Variants in TBC1D7 observed in about 807,000 individuals in gnomAD.
TBC1D7 encodes TBC domain family 7.
TBC1D7 carries 33 observed loss-of-function variants against 35.3 expected under a neutral mutation model. The observed-to-expected ratio is 0.93, with a 90% CI of 0.71 to 1.25. TBC1D7 has a LOEUF of 1.25. TBC1D7 is among the 50% of genes most tolerant of loss of function. The pLI is 0.00. For missense variants in TBC1D7, 362 were observed against 365.3 expected, an observed-to-expected ratio of 0.99 and a Z score of 0.07; for synonymous variants, 135 against 129.5, an observed-to-expected ratio of 1.04 and a Z score of -0.29.
chr6:13,311,986 C>T (rs1783250266), intron 5 of TBC1D7, among the ~76,000 whole-genome samples: 1 of 151,720 alleles, frequency 6.6e-6, no homozygotes, highest in African/African-American at 2.4e-5. Context: ...TACACACACA[C>T]ATATATGGAA....
rs768742269 is a variant in TBC1D7 at position 13,316,643 on chromosome 6, G to T, written c.447C>A (p.Val149=). The part of the protein sequence containing the change: ...KAMEEMVEDS[V]DCYWITRRFV... ...AGCGTCGGGTGATCCAGTAACAGTC[G>T]ACACTATCTTCCACCATTTCCTCCA... Residue 149 remains valine, a synonymous_variant, in exon 5 of 8, where the codon GTC becomes GTA. Transcript: ENST00000379300. 19 of 1,613,782 alleles carry T rather than the reference G, an allele frequency of 1.2e-5. No homozygotes were observed. The highest frequency in any genetic ancestry group is 2.7e-5 in the African/African-American group (2 of 74,820).
chr6:13,321,857 C>A (rs551494918), intron 3 of TBC1D7, among the ~76,000 whole-genome samples: 1 of 152,100 alleles, frequency 6.6e-6, no homozygotes, highest in Admixed American at 6.5e-5. Flanking sequence ...AGAATGCTAA[C>A]CCCAAGAGAA....
chr6:13,318,237 G>C (rs2439550), intron 4 of TBC1D7: 73,850 of 152,036 alleles, frequency 0.49, 20,049 homozygotes, highest in African/African-American at 0.72. Flanking sequence ...TAAATTATCC[G>C]ATTTCAGGTA....
Position 13,307,751 on chromosome 6 carries a change from G to A in TBC1D7, c.520-6C>T. The A allele has an allele frequency of 6.2e-7, 1 of 1,611,758 alleles. No homozygotes were observed. The highest frequency in any genetic ancestry group is 8.5e-7 in the Non-Finnish European group (1 of 1,178,418). ...TATTGTTCAAACGCTTTTGGCTAAA[G>A]ATTAAGCAAGAACAGAGATTATTCA... On this transcript the variant is annotated splice_region_variant and splice_polypyrimidine_tract_variant and intron_variant, in intron 5 of 7. Transcript: ENST00000379300.
intron 4 of TBC1D7, among the ~76,000 whole-genome samples, chr6:13,317,599 T>C (rs1584552641): frequency 6.6e-6 from 1 of 152,366 alleles, no homozygotes; most frequent in East Asian, 1.9e-4. Context: ...TCATAGGGAA[T>C]AAGTTTTCTC....
rs139301069 is a variant in TBC1D7 at position 13,307,737 on chromosome 6, C to A, written c.528G>T (p.Ala176=). 2 of 1,613,484 alleles carry A rather than the reference C, an allele frequency of 1.2e-6. No homozygotes were observed. The highest frequency in any genetic ancestry group is 3.3e-5 in the Admixed American group (2 of 59,936). ...YRDSLPQLPK[A]FEQYLNLEDG... is the part of the protein sequence containing the mutation. ...CTTCCAGATTCAAGTATTGTTCAAA[C>A]GCTTTTGGCTAAAGATTAAGCAAGA... Residue 176 remains alanine, a synonymous_variant, in exon 6 of 8, where the codon GCG becomes GCT. Coordinates refer to ENST00000379300, the MANE Select transcript of TBC1D7 (RefSeq NM_016495.6).
chr6:13,316,630 T>G lies in TBC1D7; in HGVS notation c.460A>C (p.Ile154Leu). The G allele has an allele frequency of 1.2e-6, 2 of 1,613,840 alleles. No homozygotes were observed. The highest frequency in any genetic ancestry group is 1.7e-6 in the Non-Finnish European group (2 of 1,179,990). The change falls in exon 5 of 8, where the codon ATC becomes CTC. Residue 154 changes from isoleucine to leucine, a missense_variant. Transcript: ENST00000379300. ...AATTGGTTCACAAAGCGTCGGGTGA[T>G]CCAGTAACAGTCGACACTATCTTCC... The part of the protein sequence containing the change: ...MVEDSVDCYW[I>L]TRRFVNQLNT...
At chr6:13,310,250 C>G (rs767783490) in intron 5 of TBC1D7, among the ~76,000 whole-genome samples, 3 of 152,236 alleles carry the variant, frequency 2.0e-5, no homozygotes, top group Non-Finnish European at 4.4e-5. Context: ...GTATAACAAA[C>G]AGCAAAAGGC....
At chr6:13,326,041 A>T (rs1784382312) in intron 2 of TBC1D7, among the ~76,000 whole-genome samples, 1 of 152,222 alleles carries the variant, frequency 6.6e-6, no homozygotes, top group Non-Finnish European at 1.5e-5. Context: ...CTTTAAAAGT[A>T]CTCTATGCAA....
intron 3 of TBC1D7, among the ~76,000 whole-genome samples, chr6:13,321,995 G>C (rs1456719048): frequency 6.6e-6 from 1 of 152,198 alleles, no homozygotes; most frequent in East Asian, 1.9e-4. Flanking sequence ...CCAGCACTTT[G>C]AGAGGCCAAG....
chr6:13,318,353 G>T (rs1783786035), intron 4 of TBC1D7, among the ~76,000 whole-genome samples: 1 of 152,226 alleles, frequency 6.6e-6, no homozygotes, highest in Admixed American at 6.5e-5. Context: ...TCTGCCTGAG[G>T]CTGCAGTAAA....
At chr6:13,309,905 C>T (rs1283523439) in intron 5 of TBC1D7, among the ~76,000 whole-genome samples, 3 of 152,116 alleles carry the variant, frequency 2.0e-5, no homozygotes, top group Non-Finnish European at 4.4e-5. Flanking sequence ...AAAAATGCAC[C>T]TGCCTCTTAC....
intron 5 of TBC1D7, among the ~76,000 whole-genome samples, chr6:13,312,500 CA>C (rs1783291881): frequency 6.6e-6 from 1 of 151,870 alleles, no homozygotes; most frequent in African/African-American, 2.4e-5. Context: ...CCAGCCTGGC[CA>C]AAATGGCGAA....
chr6:13,323,073 C>A (rs1378487934), intron 3 of TBC1D7, among the ~76,000 whole-genome samples: 1 of 152,160 alleles, frequency 6.6e-6, no homozygotes, highest in East Asian at 1.9e-4. Flanking sequence ...GAAAGGTGGG[C>A]CGAGCGCGGT....
intron 1 of TBC1D7, among the ~76,000 whole-genome samples, chr6:13,327,287 T>C (rs1321637717): frequency 6.6e-6 from 1 of 152,218 alleles, no homozygotes; most frequent in Non-Finnish European, 1.5e-5. Context: ...TCAAGCAAAT[T>C]ATACTCAAAC....
intron 3 of TBC1D7, among the ~76,000 whole-genome samples, chr6:13,322,200 G>C (rs931231513): frequency 2.0e-5 from 3 of 152,004 alleles, no homozygotes; most frequent in Non-Finnish European, 4.4e-5. Flanking sequence ...GCCATAGTGA[G>C]CTGTGATCGT....
At chr6:13,307,547 A>G in intron 6 of TBC1D7, 53 bp downstream of exon 6, 1 of 1,592,602 alleles carries the variant, frequency 6.3e-7, no homozygotes, top group African/African-American at 1.3e-5. Context: ...ATGAAAGGCC[A>G]GAACTCTGCT....
chr6:13,307,361 G>C, intron 6 of TBC1D7: 1 of 401,522 alleles, frequency 2.5e-6, no homozygotes, highest in South Asian at 5.0e-5. Flanking sequence ...TAAACTCATG[G>C]AGACCATTTG....
intron 6 of TBC1D7, chr6:13,307,391 C>G (rs747208076): frequency 5.9e-6 from 3 of 512,194 alleles, no homozygotes; most frequent in Non-Finnish European, 1.0e-5. Context: ...TGCTTCACAG[C>G]ATCTAACGCA....
Sources: gnomAD v4.1 joint callset for allele counts (sites outside exome capture counted in the v4.1 genomes callset) on GRCh38, gnomAD v4.1.1 for gene constraint, MANE v1.5 for transcripts, NCBI Gene and HGNC (gene_info 2026-07-23, HGNC 2026-07-21) for gene names.